CLUAP1: variants seen among roughly 807,000 people sequenced by gnomAD.
CLUAP1 encodes the protein intraflagellar transport 38.
CLUAP1 carries 50 observed loss-of-function variants against 55.0 expected under a neutral mutation model. That is an observed-to-expected ratio of 0.91 (90% confidence interval 0.72 to 1.15). The LOEUF is 1.15. Ranked by LOEUF, CLUAP1 falls within the 50% of genes most tolerant of loss-of-function variation. The probability of loss-of-function intolerance (pLI) is 0.00; values close to 1 mark genes in which losing one functional copy is unlikely to be tolerated. For synonymous variants in CLUAP1, 195 were observed against 175.4 expected, an observed-to-expected ratio of 1.11 and a Z score of -0.88; for missense variants, 530 against 507.6, an observed-to-expected ratio of 1.04 and a Z score of -0.42.
In CLUAP1 at chr16:3,501,051, C is replaced by A; in HGVS notation, c.-17C>A. ...GGCGAGCAGTTGCGACCCTGGGCTC[C>A]TGGGGACCTGAGCGTTATGTCTTTC... On this transcript the variant is annotated 5_prime_UTR_variant, in exon 1 of 12. In the 5' UTR this introduces an upstream ATG that the reference lacks. Coordinates refer to ENST00000576634, the MANE Select transcript of CLUAP1 (RefSeq NM_015041.3). 1.3e-6 allele frequency: 2 copies of A among 1,599,250 alleles called. No homozygotes were observed. Among genetic ancestry groups the A allele is most frequent in the Non-Finnish European group, 1.7e-6 (2 of 1,175,996 alleles).
In CLUAP1 at chr16:3,501,062, A is replaced by G; in HGVS notation, c.-6A>G. 6.2e-7 allele frequency: 1 copy of G among 1,600,122 alleles called. No individual in the cohort carries two copies. ...GCGACCCTGGGCTCCTGGGGACCTG[A>G]GCGTTATGTCTTTCCGCGACCTCCG... On this transcript the variant is annotated 5_prime_UTR_variant, in exon 1 of 12. Coordinates refer to ENST00000576634, the MANE Select transcript of CLUAP1 (RefSeq NM_015041.3).
At chr16:3,509,346 C>A (rs1027826640) in intron 4 of CLUAP1, among the ~76,000 whole-genome samples, 1 of 152,192 alleles carries the variant, frequency 6.6e-6, no homozygotes, top group East Asian at 1.9e-4. Context: ...CCTGGGAAGC[C>A]CCTGGAAAGC....
intron 5 of CLUAP1, among the ~76,000 whole-genome samples, chr16:3,514,359 G>A (rs2037690776): frequency 6.6e-6 from 1 of 152,198 alleles, no homozygotes; most frequent in Non-Finnish European, 1.5e-5. Context: ...CCGAGGAAGA[G>A]CGCCTATCCA....
intron 9 of CLUAP1, among the ~76,000 whole-genome samples, chr16:3,529,395 A>G (rs1157747450): frequency 1.9e-5 from 2 of 106,650 alleles, no homozygotes; most frequent in Non-Finnish European, 3.6e-5. Context: ...GTGTGTGTGT[A>G]GTTTATATAT....
intron 4 of CLUAP1, among the ~76,000 whole-genome samples, chr16:3,508,891 C>G (rs1269417336): frequency 6.8e-6 from 1 of 147,406 alleles, no homozygotes; most frequent in African/African-American, 2.6e-5. Context: ...GATGGTGTTT[C>G]CAGCAGAGAT....
At chr16:3,521,390 G>A (rs1457538224) in intron 7 of CLUAP1, among the ~76,000 whole-genome samples, 2 of 151,324 alleles carry the variant, frequency 1.3e-5, no homozygotes, top group Non-Finnish European at 2.9e-5. Context: ...TAAGAAAAAA[G>A]AAAAAGTTCA....
At chr16:3,523,957 T>G (rs137881159) in intron 8 of CLUAP1, among the ~76,000 whole-genome samples, 5 of 151,224 alleles carry the variant, frequency 3.3e-5, no homozygotes, top group African/African-American at 9.7e-5. Flanking sequence ...CAGAGCAAGA[T>G]CCCATCTCCA....
intron 7 of CLUAP1, among the ~76,000 whole-genome samples, chr16:3,521,175 A>C (rs1340331872): frequency 6.6e-6 from 1 of 152,062 alleles, no homozygotes; most frequent in Non-Finnish European, 1.5e-5. Context: ...GAGGGAAAAA[A>C]AAAAAAACAG....
intron 3 of CLUAP1, among the ~76,000 whole-genome samples, chr16:3,507,497 C>T (rs891998195): frequency 6.7e-6 from 1 of 149,906 alleles, no homozygotes; most frequent in African/African-American, 2.5e-5. Context: ...GAGGTTGAGG[C>T]TGCAGTGAGC....
At chr16:3,522,496 A>AAT (rs2037858811) in intron 7 of CLUAP1, among the ~76,000 whole-genome samples, 1 of 152,038 alleles carries the variant, frequency 6.6e-6, no homozygotes, top group Non-Finnish European at 1.5e-5. Context: ...ATAAGATAAT[A>AAT]ATATATATAT....
At chr16:3,496,727 G>A (rs910998927), upstream of CLUAP1, 4 of 528,704 alleles carry the variant, frequency 7.6e-6, no homozygotes, top group African/African-American at 1.9e-5. Flanking sequence ...CCAGAAGTTC[G>A]AGCGCGCCAG....
At position 3,508,381 on chromosome 16, in the gene CLUAP1, T is replaced by C. The variant is rs11554091; in HGVS notation, c.312T>C (p.Leu104=). The change falls in exon 4 of 12, where the codon CTT becomes CTC. Residue 104 remains leucine (L), a synonymous_variant. Transcript: ENST00000576634. The stretch of plus-strand genomic sequence containing the variant: ...AGCTGCTGAAGATCACATCTGTCCT[T>C]TATAATGCTATGAAGACCAAGGGGA... ...VKELLKITSV[L]YNAMKTKGME... is the part of the protein sequence containing the mutation. 21,873 of 1,605,774 alleles carry C rather than the reference T, an allele frequency of 0.014. 1,067 individuals are homozygous for C. The East Asian group carries it at 0.19, about 14-fold the overall frequency.
At position 3,519,945 on chromosome 16, in the gene CLUAP1, T is replaced by A; in HGVS notation, c.622T>A (p.Ser208Thr). The change falls in exon 7 of 12, where the codon TCT becomes ACT. Residue 208 changes from serine (S) to threonine (T), a missense_variant. Ser to Thr is a moderately conservative substitution (Grantham distance 58). Transcript: ENST00000576634. The part of the protein sequence containing the change: ...KTKDLLNNVA[S>T]DEANLEAKIE... The stretch of plus-strand genomic sequence containing the variant: ...TAAAGACCTGCTCAATAATGTGGCC[T>A]CTGATGAAGCTAATTTAGAAGCCAA... 6.2e-7 allele frequency: 1 copy of A among 1,613,574 alleles called. No individual in the cohort carries two copies. The highest frequency in any genetic ancestry group is 8.5e-7 in the Non-Finnish European group (1 of 1,179,838).
chr16:3,515,658 C>G (rs1164348621), intron 6 of CLUAP1, 67 bp downstream of exon 6: 2 of 1,097,656 alleles, frequency 1.8e-6, no homozygotes, highest in Non-Finnish European at 2.6e-6. Flanking sequence ...ATTTCTTGCC[C>G]ATACAAGACA....
intron 11 of CLUAP1, chr16:3,533,095 A>T: frequency 6.5e-7 from 1 of 1,536,060 alleles, no homozygotes; most frequent in Non-Finnish European, 8.7e-7. Context: ...CTCGCTTTCC[A>T]AAGATGGAAG....
In CLUAP1 at chr16:3,526,485, G is replaced by A. The variant is rs2151063706; in HGVS notation, c.928+1G>A. 2 of 1,603,470 alleles carry A rather than the reference G, an allele frequency of 1.2e-6. No individual in the cohort carries two copies. The highest frequency in any genetic ancestry group is 1.7e-5 in the Admixed American group (1 of 57,380). On this transcript the variant is annotated splice_donor_variant, in intron 9 of 11. Coordinates refer to ENST00000576634, the MANE Select transcript of CLUAP1 (RefSeq NM_015041.3). LOFTEE classifies it high-confidence loss of function. ...GAGAAGCGCCTGCTCAAGAGTGGAA[G>A]TAAGGCTGGGCTTCGTAGACGAGCA...
chr16:3,529,598 T>TA (rs2038037773), intron 9 of CLUAP1, among the ~76,000 whole-genome samples: 44 of 39,874 alleles, frequency 1.1e-3, no homozygotes, highest in South Asian at 5.4e-3. Flanking sequence ...TATATTATTA[T>TA]ATATTATATA....
intron 6 of CLUAP1, among the ~76,000 whole-genome samples, chr16:3,518,761 C>G (rs1018905792): frequency 1.1e-4 from 17 of 151,852 alleles, no homozygotes; most frequent in African/African-American, 3.6e-4. Flanking sequence ...GTACTTAGAC[C>G]AAAAAAATTA....
At chr16:3,511,570 G>A (rs1270026073) in intron 4 of CLUAP1, among the ~76,000 whole-genome samples, 2 of 152,174 alleles carry the variant, frequency 1.3e-5, no homozygotes, top group African/African-American at 4.8e-5. Context: ...GCTGCAAGAG[G>A]ATGTGTGTCC....
Sources: allele counts gnomAD v4.1 joint callset (sites outside exome capture counted in the v4.1 genomes callset), GRCh38; gene constraint gnomAD v4.1.1; transcripts MANE v1.5; gene names NCBI Gene and HGNC (gene_info 2026-07-23, HGNC 2026-07-21).